The following DHRSX variants were observed in gnomAD, a reference collection of about 807,000 sequenced individuals.
DHRSX encodes dehydrogenase/reductase X-linked, also known as polyprenol dehydrogenase.
A neutral mutation model predicts 34.0 loss-of-function variants in DHRSX; 31 were observed. The observed-to-expected ratio is 0.91, with a 90% CI of 0.69 to 1.23. The LOEUF (loss-of-function observed/expected upper bound fraction) is 1.23. Among genes scored for constraint, DHRSX ranks in the 50% most tolerant of loss-of-function variants. The pLI is 0.00. For synonymous variants in DHRSX, 201 were observed against 183.8 expected (o/e 1.09, Z -0.76); for missense variants, 414 against 428.1 (o/e 0.97, Z 0.29).
chrX:2,494,007 G>A (rs1401745476), intron 1 of DHRSX, among the ~76,000 whole-genome samples: 1 of 151,428 alleles, frequency 6.6e-6, no homozygotes, highest in Non-Finnish European at 1.5e-5. Context: ...AGATATATAT[G>A]CTATTATTAC....
At chrX:2,229,860 TGA>T (rs1178298874) in intron 6 of DHRSX, among the ~76,000 whole-genome samples, 5 of 152,212 alleles carry the variant, frequency 3.3e-5, no homozygotes, top group Non-Finnish European at 7.3e-5. Flanking sequence ...GTGTATTGTA[TGA>T]GTGTATGTGC....
chrX:2,427,571 C>T (rs1376311580), intron 1 of DHRSX, among the ~76,000 whole-genome samples: 1 of 152,116 alleles, frequency 6.6e-6, no homozygotes, highest in Non-Finnish European at 1.5e-5. Flanking sequence ...TGGTGGGAGT[C>T]AGACTTCTCG....
chrX:2,392,488 A>C (rs1188699045), intron 3 of DHRSX: 2 of 284,214 alleles, frequency 7.0e-6, no homozygotes, highest in African/African-American at 4.6e-5. Context: ...AAAAAATAAA[A>C]TAAAATAAGT....
intron 1 of DHRSX, among the ~76,000 whole-genome samples, chrX:2,481,506 A>G (rs919250745): frequency 3.9e-5 from 6 of 151,964 alleles, no homozygotes; most frequent in Non-Finnish European, 7.3e-5. Context: ...TCTCTACGAA[A>G]AATATAAAAA....
chrX:2,230,002 T>C (rs1369141465), intron 6 of DHRSX, among the ~76,000 whole-genome samples: 2 of 152,214 alleles, frequency 1.3e-5, no homozygotes, highest in Admixed American at 1.3e-4. Flanking sequence ...TGTTTGCTCA[T>C]GCATATGTGC....
chrX:2,462,802 C>G (rs957810224), intron 1 of DHRSX, among the ~76,000 whole-genome samples: 14 of 148,538 alleles, frequency 9.4e-5, no homozygotes, highest in Non-Finnish European at 1.8e-4. Flanking sequence ...GAAAATTTAT[C>G]AAATTAAAAA....
chrX:2,452,150 G>T (rs1225811423), intron 1 of DHRSX, among the ~76,000 whole-genome samples: 2 of 152,048 alleles, frequency 1.3e-5, no homozygotes, highest in Non-Finnish European at 2.9e-5. Context: ...TGTACACACT[G>T]AAGACATTCC....
At chrX:2,300,547 G>A (rs1288182333) in intron 3 of DHRSX, among the ~76,000 whole-genome samples, 2 of 152,156 alleles carry the variant, frequency 1.3e-5, no homozygotes, top group Non-Finnish European at 2.9e-5. Context: ...TCAGCTGCCA[G>A]CACAGCACAT....
rs2042439067 is a variant in DHRSX at position 2,330,070 on chromosome X, CGGCGGGGGGGG to C, written c.287-38478_287-38468del. Among the ~76,000 whole-genome samples the C allele has an allele frequency of 9.4e-5, 7 of 74,824 alleles. No homozygotes were observed. In the East Asian group the frequency reaches 1.9e-3, roughly 20 times the overall value. 49.1% of individuals were successfully genotyped at this position (74,824 alleles called of 152,430 possible). A position where few individuals can be genotyped will look rare whatever the true frequency, so the allele number is the denominator to read the frequency against. Reference sequence around the variant, plus strand: ...AGTGAATGAGAGAGAAGCAGAGAGACGGCGGGGGGGGGGGGGGGGGGGGGAGGGAGGGAGAG... The same window carrying C: ...AGTGAATGAGAGAGAAGCAGAGAGACGGGGGGGGGGGGGAGGGAGGGAGAG... On this transcript the variant is annotated intron_variant, in intron 3 of 6. Coordinates refer to ENST00000334651, the MANE Select transcript of DHRSX (RefSeq NM_145177.3).
Position 2,239,900 on chromosome X carries a change from G to A in DHRSX, c.804+3123C>T, listed in dbSNP as rs774104286. On this transcript the variant is annotated intron_variant, in intron 6 of 6. Transcript: ENST00000334651. ...ATCCTAGTGTTGGTGTATTGCTAGC[G>A]AATACTTAGTGCTTAATAAAATAAC... 1.6e-4 allele frequency among the ~76,000 whole-genome samples: 24 copies of A among 152,316 alleles called. No homozygotes were observed. In the South Asian group the frequency reaches 1.7e-3, roughly 11 times the overall value.
At position 2,377,349 on chromosome X, in the gene DHRSX, G is replaced by A. The variant is rs758284890; in HGVS notation, c.286+31396C>T. ...TTCCTGCAACTAGATGGTCCCATCCGGGGGGTGATGGGAGACAGTGGCAGA... is the reference window on the plus strand; with the variant it reads ...TTCCTGCAACTAGATGGTCCCATCCAGGGGGTGATGGGAGACAGTGGCAGA... On this transcript the variant is annotated intron_variant, in intron 3 of 6. Coordinates refer to ENST00000334651, the MANE Select transcript of DHRSX (RefSeq NM_145177.3). Among the ~76,000 whole-genome samples, 204 of 151,734 alleles carry A rather than the reference G, an allele frequency of 1.3e-3. 1 individual carries two copies. Among genetic ancestry groups the A allele is most frequent in the African/African-American group, 4.5e-3 (186 of 41,390 alleles).
In DHRSX at chrX:2,371,535, T is replaced by C. The variant is rs866216026; in HGVS notation, c.286+37210A>G. Among the ~76,000 whole-genome samples the C allele has an allele frequency of 6.4e-5, 5 of 78,562 alleles. No homozygotes were observed. In the South Asian group the frequency reaches 1.4e-3, roughly 22 times the overall value. The allele number at this position is 78,562 out of a possible 152,430, so 51.5% of individuals were successfully genotyped here. ...TACCACAGCCCCTCCTCCGTTACCA[T>C]AGTCCGTCCTTCTGTTACCATAGTC... On this transcript the variant is annotated intron_variant, in intron 3 of 6. Transcript: ENST00000334651.
At chrX:2,276,859 A>C (rs1343068615) in intron 4 of DHRSX, among the ~76,000 whole-genome samples, 1 of 69,456 alleles carries the variant, frequency 1.4e-5, no homozygotes, top group Non-Finnish European at 3.5e-5. Flanking sequence ...AGGGCAAACG[A>C]GAGGGAGAGA....
At position 2,293,806 on chromosome X, in the gene DHRSX, A is replaced by AGT. The variant is rs763123318; in HGVS notation, c.287-2205_287-2204dup. 8.4e-3 allele frequency among the ~76,000 whole-genome samples: 1,279 copies of AGT among 151,814 alleles called. 15 individuals are homozygous for AGT. Among genetic ancestry groups the AGT allele is most frequent in the African/African-American group, 0.029 (1,203 of 41,440 alleles). On this transcript the variant is annotated intron_variant, in intron 3 of 6. Transcript: ENST00000334651. ...GCCACATAGCTTTCAGAGGATAAGC[A>AGT]GTGTGTGTGTGTGGTGGGGGGAGGG...
At chrX:2,428,591 A>T (rs1205244408) in intron 1 of DHRSX, among the ~76,000 whole-genome samples, 1 of 152,102 alleles carries the variant, frequency 6.6e-6, no homozygotes, top group Non-Finnish European at 1.5e-5. Context: ...GGAAACAGGG[A>T]GGGGAACATC....
At chrX:2,468,922 CA>C (rs1375666184) in intron 1 of DHRSX, among the ~76,000 whole-genome samples, 1 of 151,318 alleles carries the variant, frequency 6.6e-6, no homozygotes, top group Non-Finnish European at 1.5e-5. Context: ...TGCCGTTGCA[CA>C]CTGAAGACGT....
At chrX:2,392,982 C>G (rs28678051) in intron 3 of DHRSX, among the ~76,000 whole-genome samples, 40,984 of 142,466 alleles carry the variant, frequency 0.29, 6,092 homozygotes, top group Middle Eastern at 0.32. Flanking sequence ...ATATATGTTA[C>G]AAAATATATA....
chrX:2,288,440 G>A (rs2041830351), intron 4 of DHRSX, among the ~76,000 whole-genome samples: 1 of 152,138 alleles, frequency 6.6e-6, no homozygotes, highest in Non-Finnish European at 1.5e-5. Context: ...TCACAATGTT[G>A]TCCACGTTGG....
At chrX:2,337,471 GTTTT>G (rs966776476) in intron 3 of DHRSX, among the ~76,000 whole-genome samples, 27 of 152,134 alleles carry the variant, frequency 1.8e-4, no homozygotes, top group African/African-American at 6.5e-4. Flanking sequence ...CTTAAAACAA[GTTTT>G]TTTGTTTTTT....
Sources: allele counts gnomAD v4.1 joint callset (sites outside exome capture counted in the v4.1 genomes callset), GRCh38; gene constraint gnomAD v4.1.1; transcripts MANE v1.5; gene names NCBI Gene and HGNC (gene_info 2026-07-23, HGNC 2026-07-21).